Variants in PCCA observed in about 807,000 individuals in gnomAD.
PCCA encodes propionyl-CoA carboxylase alpha chain, mitochondrial.
Under a neutral mutation model 101.3 loss-of-function variants are expected in PCCA, and 74 were observed. The observed-to-expected ratio is 0.73, with a 90% CI of 0.61 to 0.89. The LOEUF (loss-of-function observed/expected upper bound fraction) is 0.89, where lower values mean the gene tolerates loss of function less well. Among genes scored for constraint, PCCA ranks in the 40% least tolerant of loss-of-function variants. The pLI is 0.00. For missense variants in PCCA, 891 were observed against 907.0 expected (o/e 0.98, Z 0.23); for synonymous variants, 294 against 313.6 (o/e 0.94, Z 0.66).
intron 6 of PCCA, among the ~76,000 whole-genome samples, chr13:100,171,615 G>C (rs902096827): frequency 6.6e-6 from 1 of 152,166 alleles, no homozygotes; most frequent in Non-Finnish European, 1.5e-5. Flanking sequence ...ACGGCCAGAC[G>C]CAGTGGCCTA....
intron 19 of PCCA, among the ~76,000 whole-genome samples, chr13:100,411,695 ACCC>A (rs2078060546): frequency 6.6e-6 from 1 of 152,102 alleles, no homozygotes; most frequent in Non-Finnish European, 1.5e-5. Context: ...TTTGGTAAGG[ACCC>A]ACTTCCTGGT....
chr13:100,230,758 G>A (rs1020681524), intron 7 of PCCA, among the ~76,000 whole-genome samples: 6 of 152,152 alleles, frequency 3.9e-5, no homozygotes, highest in African/African-American at 1.4e-4. Context: ...CCAGGCGTGT[G>A]CTCGGGATTT....
chr13:100,422,004 C>G (rs968119065), intron 19 of PCCA, among the ~76,000 whole-genome samples: 1 of 151,256 alleles, frequency 6.6e-6, no homozygotes, highest in African/African-American at 2.4e-5. Flanking sequence ...TTATTTCTAA[C>G]TTAATACCTC....
At chr13:100,510,239 T>C (rs908434231) in intron 21 of PCCA, among the ~76,000 whole-genome samples, 6 of 152,258 alleles carry the variant, frequency 3.9e-5, no homozygotes, top group African/African-American at 1.4e-4. Context: ...GATAATCCTT[T>C]ATCCACCATC....
At chr13:100,123,376 G>GA (rs1292835621) in intron 4 of PCCA, among the ~76,000 whole-genome samples, 1 of 151,964 alleles carries the variant, frequency 6.6e-6, no homozygotes, top group Non-Finnish European at 1.5e-5. Flanking sequence ...TTTAGAAACA[G>GA]AAAAAATCTC....
intron 18 of PCCA, among the ~76,000 whole-genome samples, chr13:100,353,483 A>AT (rs1295557769): frequency 2.6e-5 from 4 of 152,246 alleles, no homozygotes; most frequent in Non-Finnish European, 4.4e-5. Context: ...AAATTTGGGA[A>AT]GTTCATACAT....
intron 21 of PCCA, among the ~76,000 whole-genome samples, chr13:100,450,453 G>T (rs2081144677): frequency 6.6e-6 from 1 of 151,320 alleles, no homozygotes; most frequent in Non-Finnish European, 1.5e-5. Context: ...TATTGTATTT[G>T]AATATTTCTC....
chr13:100,442,644 A>G (rs2080462860), intron 20 of PCCA, among the ~76,000 whole-genome samples: 1 of 152,238 alleles, frequency 6.6e-6, no homozygotes, highest in Admixed American at 6.5e-5. Context: ...AAGGAACAAG[A>G]CTTACCTTCC....
rs1438259079 is a variant in PCCA, at chr13:100,530,331, A to G, written c.*165A>G. The G allele has an allele frequency of 1.5e-6, 1 of 679,802 alleles. No homozygotes were observed. The highest frequency in any genetic ancestry group is 2.7e-6 in the Non-Finnish European group (1 of 372,476). 42.1% of individuals were successfully genotyped at this position (679,802 alleles called of 1,614,324 possible). A position where few individuals can be genotyped will look rare whatever the true frequency, so the allele number is the denominator to read the frequency against. ...CCAATATTCTGCCAAAAAATCACCA[A>G]TGGAAATTTTCATTGATATAAATAC... On this transcript the variant is annotated 3_prime_UTR_variant, in exon 24 of 24. Coordinates refer to ENST00000376285, the MANE Select transcript of PCCA (RefSeq NM_000282.4).
At chr13:100,260,485 C>G (rs1363537876) in intron 9 of PCCA, among the ~76,000 whole-genome samples, 1 of 151,080 alleles carries the variant, frequency 6.6e-6, no homozygotes, top group Non-Finnish European at 1.5e-5. Context: ...CAACCTCTGC[C>G]TTTTGGGTTC....
At chr13:100,170,982 A>G (rs571417232) in intron 6 of PCCA, among the ~76,000 whole-genome samples, 1 of 152,304 alleles carries the variant, frequency 6.6e-6, no homozygotes, top group African/African-American at 2.4e-5. Context: ...CTCTGAAGTA[A>G]ACAATTTTCC....
intron 6 of PCCA, among the ~76,000 whole-genome samples, chr13:100,190,636 T>C (rs555189821): frequency 2.6e-5 from 4 of 151,874 alleles, no homozygotes; most frequent in Non-Finnish European, 5.9e-5. Context: ...GATTGTGCTA[T>C]TGCACTCCAG....
intron 8 of PCCA, among the ~76,000 whole-genome samples, chr13:100,256,851 C>T (rs1444450182): frequency 6.6e-6 from 1 of 152,158 alleles, no homozygotes; most frequent in African/African-American, 2.4e-5. Flanking sequence ...CTTGATAAAT[C>T]GTTGTAAATG....
chr13:100,119,414 G>T (rs1002769044), intron 4 of PCCA, among the ~76,000 whole-genome samples: 2 of 152,048 alleles, frequency 1.3e-5, no homozygotes, highest in Admixed American at 6.6e-5. Context: ...GGCCAGGTAG[G>T]ATAGGTGGTA....
chr13:100,159,988 G>A (rs2054282040), intron 6 of PCCA, among the ~76,000 whole-genome samples: 1 of 152,162 alleles, frequency 6.6e-6, no homozygotes, highest in African/African-American at 2.4e-5. Context: ...AAAATGATTT[G>A]TGCTTTATCT....
chr13:100,283,411 A>G (rs9513744), intron 12 of PCCA, among the ~76,000 whole-genome samples: 143,594 of 152,202 alleles, frequency 0.94, 68,299 homozygotes, highest in East Asian at 1. Context: ...TTAGAAAAAA[A>G]CCCATGAATT....
At chr13:100,234,915 C>CACACACACA (rs58784369) in intron 7 of PCCA, among the ~76,000 whole-genome samples, 33 of 150,448 alleles carry the variant, frequency 2.2e-4, no homozygotes, top group Non-Finnish European at 3.5e-4. Flanking sequence ...ACACACACAC[C>CACACACACA]CCACACATAC....
intron 19 of PCCA, among the ~76,000 whole-genome samples, chr13:100,410,882 CTGTGAAATATATTTAAAGTAGAAGATTTA>C (rs1276038400): frequency 6.6e-6 from 1 of 151,890 alleles, no homozygotes; most frequent in Non-Finnish European, 1.5e-5. Context: ...CTTTGACCTA[CTGTGAAATATATTTAAAGTAGAAGATTTA>C]TGTGTATGTC....
At chr13:100,519,662 C>T (rs1305548963) in intron 22 of PCCA, among the ~76,000 whole-genome samples, 1 of 152,246 alleles carries the variant, frequency 6.6e-6, no homozygotes, top group Non-Finnish European at 1.5e-5. Flanking sequence ...CCCCTCCTCC[C>T]CTTTGTCTCT....
Sources: allele counts gnomAD v4.1 joint callset (sites outside exome capture counted in the v4.1 genomes callset), GRCh38; gene constraint gnomAD v4.1.1; transcripts MANE v1.5; gene names NCBI Gene and HGNC (gene_info 2026-07-23, HGNC 2026-07-21).